Variants in NAV3 observed in about 807,000 individuals in gnomAD.
The protein encoded by NAV3 is neuron navigator 3.
NAV3 carries 87 observed loss-of-function variants against 244.7 expected under a neutral mutation model. The observed-to-expected ratio is 0.36, with a 90% confidence interval of 0.30 to 0.42. The LOEUF (loss-of-function observed/expected upper bound fraction) is 0.42. Ranked by LOEUF, NAV3 falls within the 20% of genes least tolerant of loss-of-function variation. NAV3 has a pLI of 1.00. For synonymous variants in NAV3, 1,126 were observed against 1,042.2 expected (o/e 1.08, Z -1.55); for missense variants, 2,663 against 2,893.3 (o/e 0.92, Z 1.83).
chr12:77,890,733 ATG>A (rs1178793117), intron 1 of NAV3, among the ~76,000 whole-genome samples: 1 of 152,230 alleles, frequency 6.6e-6, no homozygotes, highest in African/African-American at 2.4e-5. Context: ...AATTTAAAGT[ATG>A]TAGATGGCTT....
intron 3 of NAV3, among the ~76,000 whole-genome samples, chr12:77,946,304 G>T (rs1890348265): frequency 6.6e-6 from 1 of 151,278 alleles, no homozygotes; most frequent in African/African-American, 2.4e-5. Flanking sequence ...TATAATATGT[G>T]TATGTGTGTG....
chr12:77,631,930 G>A (rs753776396), intron 2 of NAV3, among the ~76,000 whole-genome samples: 1 of 152,146 alleles, frequency 6.6e-6, no homozygotes, highest in African/African-American at 2.4e-5. Flanking sequence ...GCACATTGCA[G>A]GCACCCGGAA....
At chr12:77,894,064 T>A (rs1379701489) in intron 1 of NAV3, among the ~76,000 whole-genome samples, 1 of 152,224 alleles carries the variant, frequency 6.6e-6, no homozygotes. Context: ...ATGCATAGTT[T>A]GATCTACTGA....
intron 2 of NAV3, among the ~76,000 whole-genome samples, chr12:77,663,107 TTTA>T (rs547667774): frequency 7.2e-5 from 11 of 152,346 alleles, no homozygotes; most frequent in African/African-American, 2.6e-4. Flanking sequence ...ACAAATCTTT[TTTA>T]TTATCGTTTT....
At chr12:77,853,369 C>A (rs774513389) in intron 1 of NAV3, among the ~76,000 whole-genome samples, 1 of 152,170 alleles carries the variant, frequency 6.6e-6, no homozygotes, top group Non-Finnish European at 1.5e-5. Flanking sequence ...TAAACATTTT[C>A]TGCACATGAG....
intron 2 of NAV3, among the ~76,000 whole-genome samples, chr12:77,663,596 A>G (rs1873575335): frequency 6.7e-6 from 1 of 148,330 alleles, no homozygotes; most frequent in Non-Finnish European, 1.5e-5. Context: ...ATCTCGGCTC[A>G]CTGCAGCCTT....
In NAV3 at chr12:77,832,698, T is replaced by C. The variant is rs372540806; in HGVS notation, c.243+994T>C. ...GTTATTGTTGACAGTAATCATCCTA[T>C]AGTGCTATCAAATACTAGATCTTAT... On this transcript the variant is annotated intron_variant, in intron 1 of 39. Coordinates refer to ENST00000397909, the MANE Select transcript of NAV3 (RefSeq NM_001024383.2). Among the ~76,000 whole-genome samples the C allele has an allele frequency of 9.2e-5, 14 of 152,280 alleles. No homozygotes were observed. The East Asian group carries it at 9.6e-4, about 10-fold the overall frequency.
At chr12:78,102,128 T>G (rs567356193) in intron 12 of NAV3, among the ~76,000 whole-genome samples, 12 of 152,282 alleles carry the variant, frequency 7.9e-5, no homozygotes, top group Admixed American at 1.3e-4. Context: ...CATAGTCTCA[T>G]CTGAGACAAG....
chr12:78,040,535 T>C (rs2137072170), intron 9 of NAV3, among the ~76,000 whole-genome samples: 1 of 152,304 alleles, frequency 6.6e-6, no homozygotes, highest in South Asian at 2.1e-4. Flanking sequence ...TACAACGTTC[T>C]TAAAATTAAT....
At chr12:77,657,868 C>G (rs2137020252) in intron 2 of NAV3, among the ~76,000 whole-genome samples, 1 of 152,312 alleles carries the variant, frequency 6.6e-6, no homozygotes, top group Middle Eastern at 3.4e-3. Flanking sequence ...ACATGATTAT[C>G]TCACTAGATG....
Position 77,662,842 on chromosome 12 carries a change from G to T in NAV3, c.72+90576G>T, listed in dbSNP as rs537644632. 2.0e-3 allele frequency among the ~76,000 whole-genome samples: 306 copies of T among 152,122 alleles called. 2 individuals carry two copies. Among genetic ancestry groups the T allele is most frequent in the African/African-American group, 7.1e-3 (293 of 41,540 alleles). On this transcript the variant is annotated intron_variant, in intron 2 of 8. Coordinates refer to the NAV3 transcript ENST00000550042. ...TTGACAATTAAATATTAATAGATTT[G>T]TTTTATCCAAGAGCATGTTGATGAT... is the stretch of plus-strand genomic sequence containing the variant.
chr12:77,837,588 C>G (rs1052903071), intron 1 of NAV3, among the ~76,000 whole-genome samples: 1 of 151,984 alleles, frequency 6.6e-6, no homozygotes, highest in Non-Finnish European at 1.5e-5. Flanking sequence ...TATCTCAATG[C>G]GAGAATGTGG....
intron 18 of NAV3, among the ~76,000 whole-genome samples, chr12:78,131,699 A>T (rs1224347020): frequency 6.6e-6 from 1 of 152,202 alleles, no homozygotes; most frequent in African/African-American, 2.4e-5. Flanking sequence ...ACTATGTCTG[A>T]CATTGGTGAA....
intron 2 of NAV3, among the ~76,000 whole-genome samples, chr12:77,587,747 T>C (rs982149747): frequency 2.6e-5 from 4 of 152,186 alleles, no homozygotes; most frequent in African/African-American, 7.2e-5. Context: ...GATGCATGAA[T>C]AGTTAATTTG....
chr12:78,014,030 A>G (rs1322716252), intron 8 of NAV3, among the ~76,000 whole-genome samples: 1 of 151,854 alleles, frequency 6.6e-6, no homozygotes, highest in Non-Finnish European at 1.5e-5. Flanking sequence ...CCCATATGTC[A>G]TTTTTCTTCC....
intron 12 of NAV3, among the ~76,000 whole-genome samples, chr12:78,075,085 T>G (rs1175563608): frequency 1.3e-5 from 2 of 152,172 alleles, no homozygotes; most frequent in East Asian, 3.9e-4. Context: ...CTGGTGTGAG[T>G]CTACCTGATC....
intron 2 of NAV3, among the ~76,000 whole-genome samples, chr12:77,787,623 C>G (rs1386298816): frequency 1.3e-5 from 2 of 152,158 alleles, no homozygotes; most frequent in Admixed American, 6.5e-5. Context: ...ATCATGAGAA[C>G]AGCAGCGAGG....
At chr12:77,881,269 G>A (rs780720068) in intron 1 of NAV3, among the ~76,000 whole-genome samples, 1 of 152,032 alleles carries the variant, frequency 6.6e-6, no homozygotes, top group Non-Finnish European at 1.5e-5. Flanking sequence ...TTTAAGATTG[G>A]TCTGTCTCTC....
At chr12:78,082,113 C>G (rs1189624260) in intron 12 of NAV3, among the ~76,000 whole-genome samples, 1 of 152,150 alleles carries the variant, frequency 6.6e-6, no homozygotes, top group Admixed American at 6.5e-5. Context: ...AAGGGGAGTT[C>G]CCCTACAAAA....
Sources: allele counts gnomAD v4.1 joint callset (sites outside exome capture counted in the v4.1 genomes callset), GRCh38; gene constraint gnomAD v4.1.1; transcripts MANE v1.5; gene names NCBI Gene and HGNC (gene_info 2026-07-23, HGNC 2026-07-21).